SUPT4H1: variants seen among roughly 807,000 people sequenced by gnomAD.
SUPT4H1 encodes the protein transcription elongation factor SPT4.
A neutral mutation model predicts 19.4 loss-of-function variants in SUPT4H1; 12 were observed. The observed-to-expected ratio is 0.62, with a 90% CI of 0.40 to 1.00. The LOEUF (loss-of-function observed/expected upper bound fraction) is 1.00. Ranked by LOEUF, SUPT4H1 falls within the 50% of genes least tolerant of loss-of-function variation. SUPT4H1 has a pLI of 0.00. For missense variants in SUPT4H1, 115 were observed against 149.2 expected (o/e 0.77, Z 1.19); for synonymous variants, 58 against 56.3 (o/e 1.03, Z -0.14).
At chr17:58,347,067 G>A (rs1972318472) in intron 4 of SUPT4H1, 121 bp downstream of exon 4, 5 of 974,816 alleles carry the variant, frequency 5.1e-6, no homozygotes, top group South Asian at 4.3e-5. Flanking sequence ...CTCTGTGCCT[G>A]GTTCCCCCCA....
rs146989024 is a variant in SUPT4H1, at chr17:58,352,132, C to T, written c.4G>A (p.Ala2Thr). The T allele has an allele frequency of 8.1e-6, 13 of 1,614,182 alleles. No homozygotes were observed. The highest frequency in any genetic ancestry group is 1.1e-5 in the Non-Finnish European group (13 of 1,180,020). ...AGGTCCTTCGGCACCGTCTCCAGGGCCATCTTCGCCGATGGGAAGAACAAC... is the reference window on the plus strand; with the variant it reads ...AGGTCCTTCGGCACCGTCTCCAGGGTCATCTTCGCCGATGGGAAGAACAAC... Reference protein sequence around the residue: MALETVPKDLRH... With the variant: MTLETVPKDLRH... The change falls in exon 1 of 5, where the codon GCC (alanine) becomes ACC (threonine). Residue 2 changes from alanine to threonine, a missense_variant. Physicochemically the swap from Ala to Thr is moderately conservative, Grantham distance 58. Coordinates refer to ENST00000225504, the MANE Select transcript of SUPT4H1 (RefSeq NM_003168.3).
intron 2 of SUPT4H1, 54 bp from the exon 3 acceptor site, chr17:58,347,638 C>T: frequency 6.4e-7 from 1 of 1,567,408 alleles, no homozygotes; most frequent in African/African-American, 1.4e-5. Flanking sequence ...GGCCTGAGCT[C>T]AATTCTGAGA....
intron 2 of SUPT4H1, among the ~76,000 whole-genome samples, chr17:58,349,745 T>C (rs1388532935): frequency 6.9e-6 from 1 of 145,226 alleles, no homozygotes; most frequent in Admixed American, 6.9e-5. Flanking sequence ...ACAATATGAA[T>C]GAACCTTGAA....
At position 58,352,194 on chromosome 17, in the gene SUPT4H1, A is replaced by G; in HGVS notation, c.-59T>C. The G allele has an allele frequency of 1.9e-6, 3 of 1,539,696 alleles. No individual in the cohort carries two copies. The highest frequency in any genetic ancestry group is 2.7e-6 in the Non-Finnish European group (3 of 1,114,426). ...CGACCACAGCCTGTGCACCCGCAGGAAGTAAATAGCTCGTTACCCAGAATG... is the reference window on the plus strand; with the variant it reads ...CGACCACAGCCTGTGCACCCGCAGGGAGTAAATAGCTCGTTACCCAGAATG... On this transcript the variant is annotated 5_prime_UTR_variant, in exon 1 of 5. Transcript: ENST00000225504.
rs1402732609 is a variant in SUPT4H1 at position 58,345,386 on chromosome 17, A to G, written c.*860T>C. The G allele has an allele frequency of 6.6e-6, 1 of 152,092 alleles. No individual in the cohort carries two copies. Among genetic ancestry groups the G allele is most frequent in the Non-Finnish European group, 1.5e-5 (1 of 68,014 alleles). The allele number at this position is 152,092 out of a possible 1,614,324, so 9.4% of individuals were successfully genotyped here. A position where few individuals can be genotyped will look rare whatever the true frequency, so the allele number is the denominator to read the frequency against. On this transcript the variant is annotated 3_prime_UTR_variant, in exon 5 of 5. Coordinates refer to ENST00000225504, the MANE Select transcript of SUPT4H1 (RefSeq NM_003168.3). ...AATTTGTGGTAAATTTTTTTATCCT[A>G]AAACAACTCACCTTGGCCGAAAAAT...
At chr17:58,351,950 T>C (rs922884482) in intron 1 of SUPT4H1, 117 bp downstream of exon 1, 1 of 1,089,728 alleles carries the variant, frequency 9.2e-7, no homozygotes, top group East Asian at 2.6e-5. Context: ...TCACTCCCCC[T>C]GCCACCTCTG....
At chr17:58,349,767 G>A (rs56058331) in intron 2 of SUPT4H1, among the ~76,000 whole-genome samples, 63,826 of 151,752 alleles carry the variant, frequency 0.42, 13,425 homozygotes, top group East Asian at 0.54. Context: ...ACATTATGTT[G>A]GTGAAAGAAG....
chr17:58,351,989 T>A, intron 1 of SUPT4H1, 78 bp downstream of exon 1: 1 of 1,487,248 alleles, frequency 6.7e-7, no homozygotes. Context: ...TTCTCTTTAC[T>A]GTCCCACAGC....
At chr17:58,352,037 G>A (rs200806084) in intron 1 of SUPT4H1, 30 bp downstream of exon 1, 22 of 1,613,184 alleles carry the variant, frequency 1.4e-5, no homozygotes, top group Middle Eastern at 3.3e-4. Flanking sequence ...GGTCCCCCAT[G>A]GGCCCTACAA....
chr17:58,347,114 G>T, intron 4 of SUPT4H1, 74 bp downstream of exon 4: 1 of 1,391,654 alleles, frequency 7.2e-7, no homozygotes, highest in Non-Finnish European at 1.0e-6. Context: ...TGTGAGAATT[G>T]GCATTAATTC....
At chr17:58,351,560 C>G in intron 1 of SUPT4H1, 52 bp from the exon 2 acceptor site, 1 of 1,312,388 alleles carries the variant, frequency 7.6e-7, no homozygotes, top group South Asian at 1.2e-5. Context: ...TGAACAAGAC[C>G]AAGAGAAAAA....
chr17:58,346,481 T>A, intron 4 of SUPT4H1, 168 bp from the exon 5 acceptor site: 1 of 605,208 alleles, frequency 1.7e-6, no homozygotes, highest in Non-Finnish European at 3.0e-6. Flanking sequence ...TCTCAGCACT[T>A]TGGGAGGTCA....
chr17:58,350,236 G>A (rs941033101), intron 2 of SUPT4H1, among the ~76,000 whole-genome samples: 31 of 152,094 alleles, frequency 2.0e-4, no homozygotes, highest in Admixed American at 3.9e-4. Flanking sequence ...CATTGCAGCC[G>A]GGCGCTGTGG....
Position 58,345,761 on chromosome 17 carries a change from A to T in SUPT4H1, c.*485T>A, listed in dbSNP as rs1972266624. 1 of 153,578 alleles carries T rather than the reference A, an allele frequency of 6.5e-6. No homozygotes were observed. Among genetic ancestry groups the T allele is most frequent in the Non-Finnish European group, 1.5e-5 (1 of 68,946 alleles). 9.5% of individuals were successfully genotyped at this position (153,578 alleles called of 1,614,324 possible). A position where few individuals can be genotyped will look rare whatever the true frequency, so the allele number is the denominator to read the frequency against. ...TCTGGATCAGCACCCTCCGATAGGA[A>T]GCAAGGAAGCACACTACAAAGGCTG... On this transcript the variant is annotated 3_prime_UTR_variant, in exon 5 of 5. Coordinates refer to ENST00000225504, the MANE Select transcript of SUPT4H1 (RefSeq NM_003168.3).
chr17:58,348,054 C>T (rs1488464411), intron 2 of SUPT4H1, among the ~76,000 whole-genome samples: 1 of 152,148 alleles, frequency 6.6e-6, no homozygotes, highest in Admixed American at 6.5e-5. Context: ...ATGTGGGGTT[C>T]CCTTCTCAGA....
At chr17:58,348,687 T>C (rs1179800163) in intron 2 of SUPT4H1, among the ~76,000 whole-genome samples, 1 of 152,208 alleles carries the variant, frequency 6.6e-6, no homozygotes, top group East Asian at 1.9e-4. Flanking sequence ...GCCTTTGCTC[T>C]AGTCACTCCC....
chr17:58,350,533 A>ATAAATAAATAAATAAATAAG (rs1371917829), intron 2 of SUPT4H1, among the ~76,000 whole-genome samples: 4 of 150,932 alleles, frequency 2.7e-5, no homozygotes, highest in African/African-American at 7.3e-5. Context: ...AAATAAATAA[A>ATAAATAAATAAATAAATAAG]TAAGTAAAAT....
chr17:58,349,957 G>A (rs7222143), intron 2 of SUPT4H1, among the ~76,000 whole-genome samples: 64,086 of 152,082 alleles, frequency 0.42, 13,559 homozygotes, highest in East Asian at 0.55. Context: ...TTGCACAACA[G>A]TGAGTATGCA....
rs1310798710 is a variant in SUPT4H1, at chr17:58,351,505, T to C, written c.73A>G (p.Ile25Val). ...ACLLCSLVKT[I>V]DQFEYDGCDN... ...CAACCATCATATTCAAACTGGTCTA[T>C]AGTCTGGGAGTGAAAGAAAAATAAA... The change falls in exon 2 of 5, where the codon ATA (isoleucine) becomes GTA (valine). Residue 25 changes from isoleucine to valine, a missense_variant. Transcript: ENST00000225504. 1 of 1,607,694 alleles carries C rather than the reference T, an allele frequency of 6.2e-7. No individual in the cohort carries two copies. Among genetic ancestry groups the C allele is most frequent in the Non-Finnish European group, 8.5e-7 (1 of 1,174,618 alleles).
Sources: allele counts gnomAD v4.1 joint callset (sites outside exome capture counted in the v4.1 genomes callset), GRCh38; gene constraint gnomAD v4.1.1; transcripts MANE v1.5; gene names NCBI Gene and HGNC (gene_info 2026-07-23, HGNC 2026-07-21).